Variants in KLF17 observed in about 807,000 individuals in gnomAD.
KLF17 encodes the protein KLF transcription factor 17, also known as Krueppel-like factor 17.
A neutral mutation model predicts 34.2 loss-of-function variants in KLF17; 31 were observed. The ratio of observed to expected loss-of-function variants is 0.91; its 90% CI spans 0.68 to 1.22. The LOEUF (loss-of-function observed/expected upper bound fraction) is 1.22. KLF17 is among the 50% of genes most tolerant of loss of function. The pLI, the probability that KLF17 is intolerant of heterozygous loss-of-function variation, is 0.00. For missense variants in KLF17, 478 were observed against 505.2 expected (o/e 0.95, Z 0.52); for synonymous variants, 179 against 186.7 (o/e 0.96, Z 0.34).
intron 1 of KLF17, among the ~76,000 whole-genome samples, chr1:44,126,277 G>A (rs1308129085): frequency 2.0e-5 from 3 of 151,426 alleles, no homozygotes; most frequent in Admixed American, 6.6e-5. Flanking sequence ...CACCCGCCTC[G>A]GCCTCCCAAA....
chr1:44,116,972 AC>A (rs1283985844), upstream of KLF17: 2 of 152,054 alleles, frequency 1.3e-5, no homozygotes, highest in Non-Finnish European at 2.9e-5. Context: ...CTTTCCATAT[AC>A]CAAGTGGCAC....
intron 1 of KLF17, among the ~76,000 whole-genome samples, chr1:44,127,642 C>CT (rs749639168): frequency 0.013 from 612 of 48,426 alleles, 12 homozygotes; most frequent in African/African-American, 0.045. Context: ...TTCTTTCCTT[C>CT]TTTCTTTCTT....
At chr1:44,045,670 C>CA in the KLF17 span, among the ~76,000 whole-genome samples, 1 of 152,204 alleles carries the variant, frequency 6.6e-6, no homozygotes, top group Admixed American at 6.5e-5. Context: ...ACCCACTGCC[C>CA]AACACCATTG....
chr1:44,067,757 T>C, the KLF17 span, among the ~76,000 whole-genome samples: 1 of 151,490 alleles, frequency 6.6e-6, no homozygotes, highest in Non-Finnish European at 1.5e-5. Context: ...TGGGGCAGGG[T>C]GCACTGACCA....
chr1:44,113,640 T>G, the KLF17 span, among the ~76,000 whole-genome samples: 1 of 152,154 alleles, frequency 6.6e-6, no homozygotes, highest in Non-Finnish European at 1.5e-5. Flanking sequence ...CTGCAGCATA[T>G]GGGTTAGAGG....
At chr1:44,092,032 T>TAAA in the KLF17 span, among the ~76,000 whole-genome samples, 5,170 of 125,344 alleles carry the variant, frequency 0.041, 145 homozygotes, top group Middle Eastern at 0.085. Context: ...ACTACTGCAT[T>TAAA]AAAAAAAAAA....
intron 1 of KLF17, chr1:44,122,611 T>C (rs2087961508): frequency 2.9e-6 from 2 of 687,526 alleles, no homozygotes; most frequent in Non-Finnish European, 5.3e-6. Context: ...GGTTTTTTTT[T>C]TGAGATAGAG....
chr1:44,069,455 A>C, the KLF17 span, among the ~76,000 whole-genome samples: 1 of 147,090 alleles, frequency 6.8e-6, no homozygotes, highest in Non-Finnish European at 1.5e-5. The surrounding 1 kb of genome is among the most constrained non-coding windows in gnomAD (Gnocchi z 4.7). Flanking sequence ...GAGGGGAGCC[A>C]GTGTGTTACA....
chr1:44,084,468 A>G, the KLF17 span, among the ~76,000 whole-genome samples: 1 of 152,096 alleles, frequency 6.6e-6, no homozygotes, highest in East Asian at 1.9e-4. Flanking sequence ...GCTTGAGCTC[A>G]GGAGTTTGAG....
the KLF17 span, among the ~76,000 whole-genome samples, chr1:44,067,756 G>A: frequency 6.6e-6 from 1 of 152,042 alleles, no homozygotes; most frequent in South Asian, 2.1e-4. Flanking sequence ...CTGGGGCAGG[G>A]TGCACTGACC....
the KLF17 span, among the ~76,000 whole-genome samples, chr1:44,100,573 C>T: frequency 2.0e-5 from 3 of 152,188 alleles, no homozygotes; most frequent in African/African-American, 7.2e-5. Context: ...AATAAAAGAA[C>T]TAATTCGAGT....
At chr1:44,128,996 G>A (rs1012081354) in intron 1 of KLF17, among the ~76,000 whole-genome samples, 1 of 151,156 alleles carries the variant, frequency 6.6e-6, no homozygotes, top group Non-Finnish European at 1.5e-5. Context: ...TGGGCAACAA[G>A]AGCGAAACTC....
chr1:44,069,504 G>T, the KLF17 span, among the ~76,000 whole-genome samples: 2 of 141,206 alleles, frequency 1.4e-5, no homozygotes, highest in African/African-American at 5.8e-5. The surrounding 1 kb of genome is among the most constrained non-coding windows in gnomAD (Gnocchi z 4.7). Context: ...GAGAGAGAGA[G>T]AGAGAGAGAA....
At chr1:44,081,170 G>A in the KLF17 span, among the ~76,000 whole-genome samples, 3 of 147,692 alleles carry the variant, frequency 2.0e-5, no homozygotes, top group Non-Finnish European at 3.0e-5. Flanking sequence ...AGGTTGCAGT[G>A]AGCCAAGATA....
At chr1:44,062,243 G>C in the KLF17 span, among the ~76,000 whole-genome samples, 1 of 152,108 alleles carries the variant, frequency 6.6e-6, no homozygotes, top group Non-Finnish European at 1.5e-5. Context: ...AATTGTAATC[G>C]AATGTATTTT....
chr1:44,066,346 C>G, the KLF17 span, among the ~76,000 whole-genome samples: 4 of 145,252 alleles, frequency 2.8e-5, no homozygotes, highest in South Asian at 6.5e-4. Context: ...ACCCTCCCCC[C>G]AAAAAAAACA....
chr1:44,099,898 AAAGAAAGAAAGAAAG>A, the KLF17 span, among the ~76,000 whole-genome samples: 7 of 63,424 alleles, frequency 1.1e-4, no homozygotes, highest in Admixed American at 3.3e-4. Flanking sequence ...AGAAAGAAAG[AAAGAAAGAAAGAAAG>A]AAAGAAAAGA....
chr1:44,104,704 G>T, the KLF17 span: 1 of 362,662 alleles, frequency 2.8e-6, no homozygotes, highest in East Asian at 5.8e-5. Flanking sequence ...TATAGGAGCG[G>T]CATAGCAGCA....
the KLF17 span, among the ~76,000 whole-genome samples, chr1:44,060,061 C>T: frequency 1.4e-5 from 2 of 145,148 alleles, no homozygotes; most frequent in Non-Finnish European, 3.2e-5. Context: ...TGTTTGTGTA[C>T]CCCCCCAGGC....
Sources: gnomAD v4.1 joint callset for allele counts (sites outside exome capture counted in the v4.1 genomes callset) on GRCh38, gnomAD v4.1.1 for gene constraint, Gnocchi (gnomAD v3.1) non-coding constraint, MANE v1.5 for transcripts, NCBI Gene and HGNC (gene_info 2026-07-23, HGNC 2026-07-21) for gene names.